The following TMEM123 variants were observed in gnomAD, a reference collection of about 807,000 sequenced individuals.
TMEM123 encodes the protein transmembrane protein 123, also known as porimin.
In TMEM123, 16 loss-of-function variants were observed where a neutral mutation model predicts 19.7. That is an observed-to-expected ratio of 0.81 (90% CI 0.55 to 1.23). TMEM123 has a LOEUF of 1.23. Ranked by LOEUF, TMEM123 falls within the 50% of genes most tolerant of loss-of-function variation. The probability of loss-of-function intolerance (pLI) is 0.00; values close to 1 mark genes in which losing one functional copy is unlikely to be tolerated. For missense variants in TMEM123, 313 were observed against 257.8 expected, an observed-to-expected ratio of 1.21 and a Z score of -1.47; for synonymous variants, 118 against 99.4, an observed-to-expected ratio of 1.19 and a Z score of -1.12.
chr11:102,400,830 G>C (rs570886758), intron 4 of TMEM123, among the ~76,000 whole-genome samples: 5 of 152,184 alleles, frequency 3.3e-5, no homozygotes, highest in Admixed American at 6.5e-5. Context: ...AGAACTAAAT[G>C]TCTGCTGTTT....
intron 2 of TMEM123, among the ~76,000 whole-genome samples, chr11:102,403,045 C>G (rs550210318): frequency 6.6e-6 from 1 of 152,316 alleles, no homozygotes. Context: ...GAGTTTCACT[C>G]TGTCACCCAG....
intron 2 of TMEM123, among the ~76,000 whole-genome samples, chr11:102,442,453 T>C (rs986872766): frequency 7.2e-5 from 11 of 152,182 alleles, no homozygotes; most frequent in Non-Finnish European, 1.5e-4. Flanking sequence ...AACCACATGA[T>C]AATCTGAATA....
chr11:102,428,422 C>A (rs1354748831), intron 2 of TMEM123, among the ~76,000 whole-genome samples: 1 of 151,856 alleles, frequency 6.6e-6, no homozygotes, highest in African/African-American at 2.4e-5. Flanking sequence ...CTGCCTCAGC[C>A]TCCCAAGTAG....
intron 1 of TMEM123, among the ~76,000 whole-genome samples, chr11:102,451,959 G>A (rs1857945053): frequency 6.6e-6 from 1 of 152,194 alleles, no homozygotes; most frequent in South Asian, 2.1e-4. Context: ...GGCGGGGCGC[G>A]CTCCCCAAAA....
chr11:102,405,557 G>T (rs1951948639), intron 2 of TMEM123, among the ~76,000 whole-genome samples: 1 of 152,122 alleles, frequency 6.6e-6, no homozygotes, highest in Non-Finnish European at 1.5e-5. Context: ...TAAAAATGCT[G>T]AATGGATTCT....
chr11:102,418,269 A>T (rs1952057851), intron 2 of TMEM123, among the ~76,000 whole-genome samples: 1 of 152,192 alleles, frequency 6.6e-6, no homozygotes, highest in Admixed American at 6.5e-5. Context: ...ATGGGAGAAA[A>T]TATTTGCAAA....
chr11:102,416,101 GAC>G (rs1380267807), intron 2 of TMEM123, among the ~76,000 whole-genome samples: 1 of 152,098 alleles, frequency 6.6e-6, no homozygotes, highest in East Asian at 1.9e-4. Context: ...TTTTAGTAGA[GAC>G]AGAGTTTTAC....
intron 2 of TMEM123, among the ~76,000 whole-genome samples, chr11:102,429,436 T>C (rs1168160648): frequency 1.3e-5 from 2 of 152,172 alleles, no homozygotes; most frequent in African/African-American, 4.8e-5. Flanking sequence ...AAACATTACA[T>C]GAGACTACTG....
At chr11:102,436,300 C>T (rs905562047) in intron 2 of TMEM123, among the ~76,000 whole-genome samples, 1 of 151,828 alleles carries the variant, frequency 6.6e-6, no homozygotes, top group South Asian at 2.1e-4. Flanking sequence ...GTAGCTGGGA[C>T]TACAGGCGTG....
intron 2 of TMEM123, among the ~76,000 whole-genome samples, chr11:102,443,688 A>T (rs1466690586): frequency 1.3e-5 from 2 of 152,174 alleles, no homozygotes; most frequent in Admixed American, 6.5e-5. Context: ...AAGCCAAAAT[A>T]GACGAATGGG....
At chr11:102,429,780 G>A (rs148835526) in intron 2 of TMEM123, among the ~76,000 whole-genome samples, 23 of 152,308 alleles carry the variant, frequency 1.5e-4, no homozygotes, top group African/African-American at 5.1e-4. Context: ...CAAACTCCCT[G>A]AGGGACTTCA....
At chr11:102,410,607 TC>T (rs1369210713) in intron 2 of TMEM123, among the ~76,000 whole-genome samples, 1 of 151,668 alleles carries the variant, frequency 6.6e-6, no homozygotes, top group Non-Finnish European at 1.5e-5. Context: ...AAGCCTCTCA[TC>T]CTGGCATCCT....
At position 102,398,363 on chromosome 11, in the gene TMEM123, T is replaced by G. The variant is rs1951878998; in HGVS notation, c.*504A>C. The G allele has an allele frequency of 2.6e-6, 1 of 387,698 alleles. No individual in the cohort carries two copies. Among genetic ancestry groups the G allele is most frequent in the Non-Finnish European group, 4.5e-6 (1 of 219,866 alleles). 24.0% of individuals were successfully genotyped at this position (387,698 alleles called of 1,614,324 possible). A position where few individuals can be genotyped will look rare whatever the true frequency, so the allele number is the denominator to read the frequency against. Reference sequence around the variant, plus strand: ...TAAAGCACAAAAAATGTTGATGTTTTTCTTAAATTATGCTTCAGATCTAGT... The same window carrying G: ...TAAAGCACAAAAAATGTTGATGTTTGTCTTAAATTATGCTTCAGATCTAGT... On this transcript the variant is annotated 3_prime_UTR_variant, in exon 5 of 5. Transcript: ENST00000398136.
intron 2 of TMEM123, among the ~76,000 whole-genome samples, chr11:102,438,507 T>C (rs892189132): frequency 3.9e-5 from 6 of 152,172 alleles, no homozygotes; most frequent in African/African-American, 1.2e-4. Context: ...ACTAACGGAG[T>C]GGGCAGTCCA....
intron 2 of TMEM123, chr11:102,448,323 C>T: frequency 4.4e-6 from 2 of 455,266 alleles, no homozygotes; most frequent in Non-Finnish European, 8.8e-6. Flanking sequence ...AGGCTTTGTC[C>T]CAAACTAAAA....
intron 2 of TMEM123, among the ~76,000 whole-genome samples, chr11:102,417,176 AAAAGTCATAACAGGTAACCAAGAG>A (rs1273116996): frequency 6.6e-6 from 1 of 152,140 alleles, no homozygotes; most frequent in African/African-American, 2.4e-5. Context: ...GAAACCAAGA[AAAAGTCATAACAGGTAACCAAGAG>A]AAAGTCAAAC....
chr11:102,396,810 G>A lies in TMEM123; in HGVS notation c.*2057C>T, dbSNP rs544820211. The A allele has an allele frequency of 2.0e-5, 3 of 152,270 alleles. No individual in the cohort carries two copies. The highest frequency in any genetic ancestry group is 7.2e-5 in the African/African-American group (3 of 41,558). 9.4% of individuals were successfully genotyped at this position (152,270 alleles called of 1,614,324 possible). On this transcript the variant is annotated 3_prime_UTR_variant, in exon 5 of 5. Transcript: ENST00000398136. ...AAACTACTTCAAACCCAATGCAGAG[G>A]AAACTTTCAAGGCAAATGATGACTT...
chr11:102,408,808 A>G (rs915555493), intron 2 of TMEM123, among the ~76,000 whole-genome samples: 2 of 152,200 alleles, frequency 1.3e-5, no homozygotes, highest in East Asian at 1.9e-4. Flanking sequence ...TGATTTATCA[A>G]TGCAAACACC....
chr11:102,430,163 C>A (rs1266671840), intron 2 of TMEM123, among the ~76,000 whole-genome samples: 2 of 152,222 alleles, frequency 1.3e-5, no homozygotes, highest in African/African-American at 4.8e-5. Flanking sequence ...TGGCAATTCT[C>A]CCCTGTTAAG....
Sources: gnomAD v4.1 joint callset for allele counts (sites outside exome capture counted in the v4.1 genomes callset) on GRCh38, gnomAD v4.1.1 for gene constraint, MANE v1.5 for transcripts, NCBI Gene and HGNC (gene_info 2026-07-23, HGNC 2026-07-21) for gene names.